PICALM: variants seen among roughly 807,000 people sequenced by gnomAD.
PICALM encodes phosphatidylinositol binding clathrin assembly protein.
PICALM carries 40 observed loss-of-function variants against 80.5 expected under a neutral mutation model. The observed-to-expected ratio is 0.50, with a 90% CI of 0.39 to 0.65. The LOEUF (loss-of-function observed/expected upper bound fraction) is 0.65. Among genes scored for constraint, PICALM ranks in the 30% least tolerant of loss-of-function variants. PICALM has a pLI of 0.00. For synonymous variants in PICALM, 288 were observed against 260.3 expected (o/e 1.11, Z -1.02); for missense variants, 676 against 778.9 (o/e 0.87, Z 1.57).
chr11:85,969,013 T>A, intron 19 of PICALM, among the ~76,000 whole-genome samples: 1 of 150,064 alleles, frequency 6.7e-6, no homozygotes, highest in Admixed American at 6.6e-5. Flanking sequence ...AAAGGGTATG[T>A]GTATAGGAAT....
intron 1 of PICALM, 111 bp downstream of exon 1, chr11:86,068,539 AG>A: frequency 9.9e-7 from 1 of 1,013,908 alleles, no homozygotes; most frequent in Non-Finnish European, 1.4e-6. Context: ...GTGCCAGAGA[AG>A]ACGCAGGGAG....
intron 18 of PICALM, among the ~76,000 whole-genome samples, chr11:85,975,786 G>A (rs574870993): frequency 1.3e-5 from 2 of 151,670 alleles, no homozygotes; most frequent in Non-Finnish European, 2.9e-5. Context: ...TAGTAGAGAC[G>A]GAGTTTCACC....
rs201333843 is a variant in PICALM, at chr11:85,974,847, C to T, written c.1840-35G>A. 47 of 1,333,648 alleles carry T rather than the reference C, an allele frequency of 3.5e-5. No individual in the cohort carries two copies. The East Asian group carries it at 1.1e-3, about 31-fold the overall frequency. The allele number at this position is 1,333,648 out of a possible 1,614,324, so 82.6% of individuals were successfully genotyped here. On this transcript the variant is annotated intron_variant, in intron 18 of 19. Coordinates refer to ENST00000393346, the MANE Select transcript of PICALM (RefSeq NM_007166.4). Reference sequence around the variant, plus strand: ...AGAAAAATATCAAAAGATACTGACTCCTATCTTCCTTATTGTGACTAAGTA... The same window carrying T: ...AGAAAAATATCAAAAGATACTGACTTCTATCTTCCTTATTGTGACTAAGTA...
chr11:85,981,269 T>C (rs546553531), intron 16 of PICALM, 41 bp from the exon 17 acceptor site: 10 of 1,144,300 alleles, frequency 8.7e-6, no homozygotes, highest in South Asian at 7.4e-5. Context: ...TGTCTCTAAT[T>C]ATAAAGTTTC....
chr11:86,016,857 T>C (rs775500087), intron 4 of PICALM, among the ~76,000 whole-genome samples: 1 of 152,214 alleles, frequency 6.6e-6, no homozygotes, highest in Non-Finnish European at 1.5e-5. Context: ...AAATATTTCA[T>C]TCTGGAACAG....
intron 1 of PICALM, 90 bp downstream of exon 1, chr11:86,068,561 G>C: frequency 1.3e-5 from 17 of 1,261,788 alleles, no homozygotes; most frequent in Non-Finnish European, 1.9e-5. Flanking sequence ...GGAAGAGGCA[G>C]TAGAAGGGTG....
At chr11:86,049,137 A>G (rs1466082783) in intron 1 of PICALM, among the ~76,000 whole-genome samples, 1 of 152,124 alleles carries the variant, frequency 6.6e-6, no homozygotes, top group African/African-American at 2.4e-5. Flanking sequence ...TACTAAAAAT[A>G]CAAAAATTAG....
At chr11:86,050,331 CA>C (rs1233208999) in intron 1 of PICALM, among the ~76,000 whole-genome samples, 1 of 150,848 alleles carries the variant, frequency 6.6e-6, no homozygotes, top group Non-Finnish European at 1.5e-5. Flanking sequence ...ACTAGATGTA[CA>C]TGTACTGCAA....
At chr11:85,975,190 T>C (rs574748486) in intron 18 of PICALM, among the ~76,000 whole-genome samples, 14 of 152,326 alleles carry the variant, frequency 9.2e-5, no homozygotes, top group East Asian at 3.9e-4. Flanking sequence ...AATTTCAAAG[T>C]AAATTTGTAT....
Position 86,022,475 on chromosome 11 carries a change from A to AAAAAAC in PICALM, c.350-12_350-7dup. ...AAATGTAGACATGTCATATCCTGTAAAAAAACAAAAACAAAAACAAAACAA... is the reference window on the plus strand; with the variant it reads ...AAATGTAGACATGTCATATCCTGTAAAAAAACAAAAACAAAAACAAAAACAAAACAA... On this transcript the variant is annotated splice_region_variant and splice_polypyrimidine_tract_variant and intron_variant, in intron 3 of 19. Coordinates refer to ENST00000393346, the MANE Select transcript of PICALM (RefSeq NM_007166.4). The AAAAAAC allele has an allele frequency of 7.2e-7, 1 of 1,396,692 alleles. No homozygotes were observed. The highest frequency in any genetic ancestry group is 9.6e-7 in the Non-Finnish European group (1 of 1,038,592). 86.5% of individuals were successfully genotyped at this position (1,396,692 alleles called of 1,614,324 possible). A position where few individuals can be genotyped will look rare whatever the true frequency, so the allele number is the denominator to read the frequency against.
chr11:85,968,217 G>T (rs2093971982), intron 19 of PICALM, among the ~76,000 whole-genome samples: 1 of 152,156 alleles, frequency 6.6e-6, no homozygotes, highest in Admixed American at 6.5e-5. Context: ...TAGCTACCCT[G>T]GAGGCTGAGG....
At position 86,059,823 on chromosome 11, in the gene PICALM, T is replaced by A. The variant is rs1212596205; in HGVS notation, c.130+8828A>T. Reference sequence around the variant, plus strand: ...TGGTAGTCAAGAACTTTTGGCACAATTGATACCTAACCTGCCTAACTTTCA... The same window carrying A: ...TGGTAGTCAAGAACTTTTGGCACAAATGATACCTAACCTGCCTAACTTTCA... On this transcript the variant is annotated intron_variant, in intron 1 of 19. Coordinates refer to ENST00000393346, the MANE Select transcript of PICALM (RefSeq NM_007166.4). 2.0e-5 allele frequency among the ~76,000 whole-genome samples: 3 copies of A among 151,656 alleles called. No individual in the cohort carries two copies. The East Asian group carries it at 5.8e-4, about 29-fold the overall frequency.
At chr11:85,974,635 A>T (rs2094216089) in intron 19 of PICALM, 73 bp downstream of exon 19, 1 of 972,144 alleles carries the variant, frequency 1.0e-6, no homozygotes, top group African/African-American at 1.6e-5. Context: ...CTCAAGTTGT[A>T]CAAAAGGGTT....
intron 18 of PICALM, among the ~76,000 whole-genome samples, chr11:85,975,592 C>CAT (rs745481507): frequency 4.5e-5 from 4 of 89,638 alleles, no homozygotes; most frequent in Admixed American, 1.7e-4. Context: ...TCTCAGCAGA[C>CAT]TTTTTTTTTT....
intron 19 of PICALM, chr11:85,960,920 ATTG>A (rs1257846552): frequency 2.3e-5 from 7 of 307,652 alleles, no homozygotes; most frequent in Non-Finnish European, 6.3e-6. Flanking sequence ...TAGAAAATGG[ATTG>A]TTAAGACAAA....
chr11:86,067,537 C>T (rs1281616301), intron 1 of PICALM, among the ~76,000 whole-genome samples: 1 of 152,142 alleles, frequency 6.6e-6, no homozygotes, highest in Non-Finnish European at 1.5e-5. Flanking sequence ...ATTGTATCTA[C>T]GTTAGCGAAT....
At position 86,059,704 on chromosome 11, in the gene PICALM, G is replaced by T. The variant is rs1035651595; in HGVS notation, c.130+8947C>A. On this transcript the variant is annotated intron_variant, in intron 1 of 19. Coordinates refer to ENST00000393346, the MANE Select transcript of PICALM (RefSeq NM_007166.4). ...TTGAGCCCAAGAGTTCAGAGTTACAGTAAGCCATGATCATGACACTACACT... is the reference window on the plus strand; with the variant it reads ...TTGAGCCCAAGAGTTCAGAGTTACATTAAGCCATGATCATGACACTACACT... Among the ~76,000 whole-genome samples the T allele has an allele frequency of 2.6e-5, 4 of 152,168 alleles. No homozygotes were observed. In the East Asian group the frequency reaches 7.7e-4, roughly 29 times the overall value.
Position 85,990,275 on chromosome 11 carries a change from C to A in PICALM, c.1383G>T (p.Arg461Ser), listed in dbSNP as rs1348438259. Residue 461 changes from arginine to serine, a missense_variant, in exon 13 of 20, where the codon AGG (arginine) becomes AGT (serine). Transcript: ENST00000393346. The part of the protein sequence containing the change: ...ISSDVSTFTT[R>S]TPTHEMFVGF... Reference sequence around the variant, plus strand: ...CAACAAACATTTCATGAGTAGGTGTCCTAGTAGTAAAAGTAGATACATCTG... The same window carrying A: ...CAACAAACATTTCATGAGTAGGTGTACTAGTAGTAAAAGTAGATACATCTG... 2 of 1,603,126 alleles carry A rather than the reference C, an allele frequency of 1.2e-6. No individual in the cohort carries two copies. The highest frequency in any genetic ancestry group is 1.7e-5 in the Admixed American group (1 of 59,662).
chr11:86,012,086 G>A (rs2095407962), intron 6 of PICALM, among the ~76,000 whole-genome samples, 195 bp downstream of exon 6: 1 of 152,128 alleles, frequency 6.6e-6, no homozygotes, highest in African/African-American at 2.4e-5. Flanking sequence ...TCATCTTGCT[G>A]AACATCCTGG....
Sources: gnomAD v4.1 joint callset for allele counts (sites outside exome capture counted in the v4.1 genomes callset) on GRCh38, gnomAD v4.1.1 for gene constraint, MANE v1.5 for transcripts, NCBI Gene and HGNC (gene_info 2026-07-23, HGNC 2026-07-21) for gene names.